The following DISC1 variants were observed in gnomAD, a reference collection of about 807,000 sequenced individuals.
DISC1 encodes DISC1 scaffold protein.
Under a neutral mutation model 84.5 loss-of-function variants are expected in DISC1, and 57 were observed. The observed-to-expected ratio is 0.67, with a 90% confidence interval of 0.55 to 0.84. The LOEUF (loss-of-function observed/expected upper bound fraction) is 0.84, where lower values mean the gene tolerates loss of function less well. Among genes scored for constraint, DISC1 ranks in the 40% least tolerant of loss-of-function variants. The probability of loss-of-function intolerance (pLI) is 0.00; values close to 1 mark genes in which losing one functional copy is unlikely to be tolerated. For synonymous variants in DISC1, 411 were observed against 415.2 expected (o/e 0.99, Z 0.12); for missense variants, 1,000 against 1,057.8 (o/e 0.95, Z 0.76).
At chr1:231,820,226 G>T (rs932548895) in intron 9 of DISC1, among the ~76,000 whole-genome samples, 1 of 152,122 alleles carries the variant, frequency 6.6e-6, no homozygotes, top group Non-Finnish European at 1.5e-5. Flanking sequence ...ATAATCTAGG[G>T]TTGAGAGTGT....
chr1:232,009,083 C>A lies in DISC1; in HGVS notation c.2307+34C>A, dbSNP rs997255566. The stretch of plus-strand genomic sequence containing the variant: ...TTTTCACATGGCCTCCAGAGGGGAC[C>A]CTTATTCTAAGGGGTGCTTTGGGAC... On this transcript the variant is annotated intron_variant, in intron 11 of 12. Transcript: ENST00000439617. This position sits in a 1 kb window ranked among gnomAD's most constrained non-coding sequence, Gnocchi z 4.6. The A allele has an allele frequency of 1.2e-6, 2 of 1,613,014 alleles. No individual in the cohort carries two copies. The highest frequency in any genetic ancestry group is 1.3e-5 in the African/African-American group (1 of 74,838).
At chr1:231,678,613 T>C (rs2063382169) in intron 1 of DISC1, among the ~76,000 whole-genome samples, 1 of 152,204 alleles carries the variant, frequency 6.6e-6, no homozygotes, top group African/African-American at 2.4e-5. Context: ...AGAGATAGGC[T>C]TAAGGCCAGT....
At chr1:231,791,646 TG>T (rs1408233228) in intron 6 of DISC1, among the ~76,000 whole-genome samples, 9 of 152,238 alleles carry the variant, frequency 5.9e-5, no homozygotes, top group Non-Finnish European at 1.0e-4. Context: ...CTAATTTGTT[TG>T]GACAAATTGT....
intron 6 of DISC1, among the ~76,000 whole-genome samples, chr1:231,773,749 GA>G (rs1360455253): frequency 6.6e-6 from 1 of 152,164 alleles, no homozygotes; most frequent in African/African-American, 2.4e-5. Flanking sequence ...TGCTGTTAGG[GA>G]AATTATATAT....
intron 6 of DISC1, among the ~76,000 whole-genome samples, chr1:231,790,720 G>A (rs1195830149): frequency 2.6e-5 from 4 of 151,804 alleles, no homozygotes; most frequent in African/African-American, 4.8e-5. Context: ...GGGTTTCACC[G>A]TGTTAGCCAG....
At chr1:232,026,746 A>AT (rs1014465910) in intron 12 of DISC1, among the ~76,000 whole-genome samples, 194 bp downstream of exon 12, 2 of 127,014 alleles carry the variant, frequency 1.6e-5, no homozygotes, top group East Asian at 2.3e-4. Context: ...GCAATTCAGT[A>AT]TTTTTTTTCT....
intron 3 of DISC1, among the ~76,000 whole-genome samples, chr1:231,742,583 G>C (rs2073430258): frequency 1.3e-5 from 2 of 151,926 alleles, no homozygotes; most frequent in African/African-American, 2.4e-5. Flanking sequence ...GATCAGCCTG[G>C]ACAACATGAC....
At chr1:231,702,150 G>A (rs1371825381) in intron 3 of DISC1, 126 bp downstream of exon 3, 1 of 1,449,116 alleles carries the variant, frequency 6.9e-7, no homozygotes, top group Non-Finnish European at 9.0e-7. Context: ...ATCTCTACCA[G>A]GGAATAGTTG....
At chr1:232,011,927 G>A (rs998911710) in intron 11 of DISC1, among the ~76,000 whole-genome samples, 2 of 152,140 alleles carry the variant, frequency 1.3e-5, no homozygotes, top group Non-Finnish European at 2.9e-5. Context: ...TCCTCAGTTA[G>A]GCCTCTTACA....
At position 231,702,088 on chromosome 1, in the gene DISC1, T is replaced by C. The variant is rs113206966; in HGVS notation, c.1117+64T>C. 82 of 1,563,780 alleles carry C rather than the reference T, an allele frequency of 5.2e-5. No homozygotes were observed. The African/African-American group carries it at 9.2e-4, about 18-fold the overall frequency. On this transcript the variant is annotated intron_variant, in intron 3 of 12. Transcript: ENST00000439617. ...GTCCCAATTTTCTTTCCATCTTTACTCATATCTACCTTTTGAATCCCAAAA... is the reference window on the plus strand; with the variant it reads ...GTCCCAATTTTCTTTCCATCTTTACCCATATCTACCTTTTGAATCCCAAAA...
intron 9 of DISC1, among the ~76,000 whole-genome samples, chr1:231,938,963 T>C (rs2091142127): frequency 6.6e-6 from 1 of 152,152 alleles, no homozygotes; most frequent in Admixed American, 6.5e-5. Context: ...CATTGTGTAA[T>C]CTCAACTCCA....
At chr1:231,875,887 T>G (rs2085855964) in intron 9 of DISC1, among the ~76,000 whole-genome samples, 1 of 152,182 alleles carries the variant, frequency 6.6e-6, no homozygotes, top group African/African-American at 2.4e-5. Context: ...TAAAGCAAAC[T>G]GTACCAGAAG....
Position 231,917,926 on chromosome 1 carries a change from C to A in DISC1, c.1982-40902C>A, listed in dbSNP as rs902480965. ...TCAACGTGGAGATCTGGAAAGGCAA[C>A]TTGACTATCTTCATTTTATGATTGA... On this transcript the variant is annotated intron_variant, in intron 9 of 12. Coordinates refer to ENST00000439617, the MANE Select transcript of DISC1 (RefSeq NM_018662.3). 3.3e-5 allele frequency among the ~76,000 whole-genome samples: 5 copies of A among 152,350 alleles called. No homozygotes were observed. In the South Asian group the frequency reaches 1.0e-3, roughly 32 times the overall value.
chr1:231,738,031 G>A (rs934247447), intron 3 of DISC1, among the ~76,000 whole-genome samples: 1 of 152,012 alleles, frequency 6.6e-6, no homozygotes. Flanking sequence ...CTAATTTTTT[G>A]TAGAGATGGG....
At chr1:231,654,278 G>A (rs1401428270) in intron 1 of DISC1, among the ~76,000 whole-genome samples, 1 of 151,284 alleles carries the variant, frequency 6.6e-6, no homozygotes, top group African/African-American at 2.4e-5. Flanking sequence ...GGTTTCTTTG[G>A]CCATACATTT....
At chr1:231,854,947 C>A in intron 9 of DISC1, 1 of 815,404 alleles carries the variant, frequency 1.2e-6, no homozygotes, top group Non-Finnish European at 1.7e-6. Flanking sequence ...AACTCCTGAC[C>A]TCAAGTGATC....
chr1:231,692,309 C>A (rs935083869), intron 1 of DISC1, among the ~76,000 whole-genome samples: 1 of 152,234 alleles, frequency 6.6e-6, no homozygotes, highest in South Asian at 2.1e-4. Context: ...ATTCTTTGTA[C>A]CCCGGGCAGC....
At chr1:231,789,879 C>T (rs2078189543) in intron 6 of DISC1, among the ~76,000 whole-genome samples, 1 of 151,908 alleles carries the variant, frequency 6.6e-6, no homozygotes, top group African/African-American at 2.4e-5. Context: ...TGAAGGGAGC[C>T]CTTTTTCATT....
chr1:231,881,864 A>G (rs1214921376), intron 9 of DISC1, among the ~76,000 whole-genome samples: 1 of 152,190 alleles, frequency 6.6e-6, no homozygotes, highest in Non-Finnish European at 1.5e-5. Context: ...ACTGTGTGCC[A>G]TGTCCTTGCA....
Sources: gnomAD v4.1 joint callset for allele counts (sites outside exome capture counted in the v4.1 genomes callset) on GRCh38, gnomAD v4.1.1 for gene constraint, Gnocchi (gnomAD v3.1) non-coding constraint, MANE v1.5 for transcripts, NCBI Gene and HGNC (gene_info 2026-07-23, HGNC 2026-07-21) for gene names.